Variants in NCOR2 observed in about 807,000 individuals in gnomAD.
NCOR2 encodes the protein nuclear receptor corepressor 2, also known as CTG repeat protein 26.
Under a neutral mutation model 262.9 loss-of-function variants are expected in NCOR2, and 81 were observed. The ratio of observed to expected loss-of-function variants is 0.31; its 90% confidence interval spans 0.26 to 0.37. NCOR2 has a LOEUF of 0.37. Among genes scored for constraint, NCOR2 ranks in the 10% least tolerant of loss-of-function variants. NCOR2 has a pLI of 1.00. For missense variants in NCOR2, 3,385 were observed against 3,621.4 expected (o/e 0.93, Z 1.68); for synonymous variants, 1,659 against 1,559.3 (o/e 1.06, Z -1.51).
intron 16 of NCOR2, among the ~76,000 whole-genome samples, chr12:124,388,003 C>A (rs1385817928): frequency 2.6e-5 from 4 of 151,538 alleles, no homozygotes; most frequent in Non-Finnish European, 4.4e-5. Flanking sequence ...TAGCTAGGAG[C>A]CTGGCTGGGG....
chr12:124,379,029 G>A (rs1431183097), intron 17 of NCOR2, among the ~76,000 whole-genome samples: 1 of 152,268 alleles, frequency 6.6e-6, no homozygotes, highest in South Asian at 2.1e-4. Context: ...GGGACAAGGA[G>A]CACAAGGCAG....
intron 16 of NCOR2, among the ~76,000 whole-genome samples, chr12:124,388,020 G>A (rs2040946165): frequency 2.0e-5 from 3 of 148,996 alleles, no homozygotes; most frequent in Admixed American, 6.8e-5. Flanking sequence ...GGGGGCTGGG[G>A]ACCCTAATTA....
At chr12:124,347,764 C>T (rs1168289783) in intron 30 of NCOR2, 61 bp downstream of exon 32, 15 of 1,515,044 alleles carry the variant, frequency 9.9e-6, no homozygotes, top group African/African-American at 4.1e-5. Context: ...CTCTCCCTCC[C>T]GCGCCCTGCG....
chr12:124,339,904 C>CCCCCCCCCA, intron 37 of NCOR2, 102 bp downstream of exon 39: 1 of 776,826 alleles, frequency 1.3e-6, no homozygotes, highest in Non-Finnish European at 2.0e-6. Context: ...CCCACCCACC[C>CCCCCCCCCA]ACCTCCCATA....
At chr12:124,558,001 G>A (rs1017553567) in intron 1 of NCOR2, among the ~76,000 whole-genome samples, 12 of 152,020 alleles carry the variant, frequency 7.9e-5, no homozygotes, top group East Asian at 1.9e-4. Context: ...AGCTGCATCC[G>A]GCCCCAACCC....
At chr12:124,442,114 ATTTC>A (rs1227679276) in intron 7 of NCOR2, among the ~76,000 whole-genome samples, 1 of 151,988 alleles carries the variant, frequency 6.6e-6, no homozygotes, top group East Asian at 1.9e-4. Context: ...ATGTGCCACT[ATTTC>A]TTTCTTAGTA....
At chr12:124,325,516 G>T in exon 47 of NCOR2, 1 of 1,359,252 alleles carries the variant, frequency 7.4e-7, no homozygotes, top group Non-Finnish European at 9.5e-7. Context: ...GGCCCGGTGG[G>T]GGTGGGGAAG....
chr12:124,548,372 C>A lies in NCOR2; in HGVS notation c.-164-12761G>T, dbSNP rs1436588951. 1.3e-5 allele frequency among the ~76,000 whole-genome samples: 2 copies of A among 152,136 alleles called. No homozygotes were observed. Among genetic ancestry groups the A allele is most frequent in the Non-Finnish European group, 2.9e-5 (2 of 68,022 alleles). On this transcript the variant is annotated intron_variant, in intron 1 of 32. Transcript: ENST00000458234. The surrounding 1 kb of genome is among the most constrained non-coding windows in gnomAD (Gnocchi z 5.1). ...GTGGGGCCAGAGTCTCATGGACCTT[C>A]TGATGGGATCCCTCTGGCTGCAACT...
intron 16 of NCOR2, among the ~76,000 whole-genome samples, chr12:124,393,279 T>C (rs1856870073): frequency 6.6e-6 from 1 of 151,914 alleles, no homozygotes; most frequent in Non-Finnish European, 1.5e-5. Flanking sequence ...GGCGGCCAGC[T>C]CCCCGGAGCT....
chr12:124,340,119 C>T (rs200208502), exon 37 of NCOR2: 481 of 1,612,486 alleles, frequency 3.0e-4, no homozygotes, highest in Non-Finnish European at 3.7e-4. Context: ...GGGAGATGGG[C>T]GAGTGCTGGT....
At chr12:124,352,788 G>C in intron 27 of NCOR2, among the ~76,000 whole-genome samples, 1 of 152,226 alleles carries the variant, frequency 6.6e-6, no homozygotes, top group East Asian at 1.9e-4. Context: ...CCCATTAACA[G>C]GGAAGCTTCT....
Position 124,335,525 on chromosome 12 carries a change from C to T in NCOR2, c.6223G>A (p.Asp2075Asn), listed in dbSNP as rs534563391. The T allele has an allele frequency of 1.4e-5, 23 of 1,608,854 alleles. No individual in the cohort carries two copies. The East Asian group carries it at 2.0e-4, about 14-fold the overall frequency. ...AGCTCCCCCTCCAGGTGGCTCTTGTCGAGCTCTTCCAGGTGCTTGGGGAGC... is the reference window on the plus strand; with the variant it reads ...AGCTCCCCCTCCAGGTGGCTCTTGTTGAGCTCTTCCAGGTGCTTGGGGAGC... Residue 2075 changes from aspartate (D) to asparagine (N), a missense_variant, in exon 39 of 47, where the codon GAC (aspartate) becomes AAC (asparagine). By Grantham distance (23) the Asp-to-Asn change is conservative. Around this residue, in one of 5 missense-constraint regions of NCOR2, gnomAD observed 1,017 missense variants for 967.2 expected, o/e 1.05. Coordinates refer to ENST00000405201, the Ensembl canonical transcript of NCOR2.
chr12:124,518,204 G>GA (rs917908566), intron 1 of NCOR2: 10 of 150,654 alleles, frequency 6.6e-5, no homozygotes, highest in Middle Eastern at 3.1e-3. Context: ...TCTCTCACAA[G>GA]AAAAAAAAAG....
chr12:124,417,081 G>C (rs948782774), intron 13 of NCOR2, among the ~76,000 whole-genome samples: 112 of 129,548 alleles, frequency 8.6e-4, no homozygotes, highest in African/African-American at 4.1e-3. Flanking sequence ...AGAGCAGGCC[G>C]GACAGTCACT....
intron 19 of NCOR2, among the ~76,000 whole-genome samples, chr12:124,373,277 T>C (rs28432783): frequency 0.1 from 3,843 of 37,860 alleles, 189 homozygotes; most frequent in Middle Eastern, 0.18. Flanking sequence ...TGGACAATCA[T>C]GAGGCCAGTG....
intron 1 of NCOR2, among the ~76,000 whole-genome samples, chr12:124,546,395 C>T (rs1432727364): frequency 1.3e-5 from 2 of 152,176 alleles, no homozygotes; most frequent in Non-Finnish European, 2.9e-5. Context: ...ATAAACAATT[C>T]GTAAGTTTTT....
At chr12:124,383,670 T>C (rs761472799) in intron 17 of NCOR2, among the ~76,000 whole-genome samples, 2 of 152,220 alleles carry the variant, frequency 1.3e-5, no homozygotes, top group Non-Finnish European at 2.9e-5. Flanking sequence ...TGGCAGGCAC[T>C]AAGGACCTCA....
rs1003646051 is a variant in NCOR2 at position 124,334,333 on chromosome 12, G to C, written c.6605+91C>G. The C allele has an allele frequency of 5.3e-6, 5 of 945,132 alleles. No individual in the cohort carries two copies. In the Admixed American group the frequency reaches 1.2e-4, roughly 22 times the overall value. 58.5% of individuals were successfully genotyped at this position (945,132 alleles called of 1,614,324 possible). A position where few individuals can be genotyped will look rare whatever the true frequency, so the allele number is the denominator to read the frequency against. On this transcript the variant is annotated intron_variant, in intron 41 of 46. Transcript: ENST00000405201. ...CAATGGCACCAGGCGGGCCTCATATGCAGCTGAGCTCAGACCCAGCTCTGA... is the reference window on the plus strand; with the variant it reads ...CAATGGCACCAGGCGGGCCTCATATCCAGCTGAGCTCAGACCCAGCTCTGA...
At chr12:124,345,056 G>T in intron 31 of NCOR2, 105 bp from the exon 34 acceptor site, 1 of 1,067,982 alleles carries the variant, frequency 9.4e-7, no homozygotes, top group Non-Finnish European at 1.3e-6. Flanking sequence ...TAAGATGGAA[G>T]TGACATCTGA....
Sources: allele counts gnomAD v4.1 joint callset (sites outside exome capture counted in the v4.1 genomes callset), GRCh38; gene constraint gnomAD v4.1.1; regional missense constraint gnomAD v4.1.1; non-coding constraint Gnocchi (gnomAD v3.1); transcripts MANE v1.5; gene names NCBI Gene and HGNC (gene_info 2026-07-23, HGNC 2026-07-21).